PIBF1: variants seen among roughly 807,000 people sequenced by gnomAD.
The protein encoded by PIBF1 is progesterone-induced-blocking factor 1.
Under a neutral mutation model 112.5 loss-of-function variants are expected in PIBF1, and 90 were observed. That is an observed-to-expected ratio of 0.80 (90% CI 0.67 to 0.95). The LOEUF (loss-of-function observed/expected upper bound fraction) is 0.95, where lower values mean the gene tolerates loss of function less well. Among genes scored for constraint, PIBF1 ranks in the 40% least tolerant of loss-of-function variants. PIBF1 has a pLI of 0.00. For missense variants in PIBF1, 915 were observed against 852.3 expected (o/e 1.07, Z -0.92); for synonymous variants, 301 against 288.6 (o/e 1.04, Z -0.44).
chr13:72,875,315 C>CT (rs1397800367), intron 10 of PIBF1, among the ~76,000 whole-genome samples: 1 of 152,140 alleles, frequency 6.6e-6, no homozygotes, highest in African/African-American at 2.4e-5. Flanking sequence ...TGAAGGACAT[C>CT]TTGTTTGCTT....
At chr13:72,822,884 GAGAGCTGTGCTC>G (rs953828529) in intron 6 of PIBF1, among the ~76,000 whole-genome samples, 3 of 152,160 alleles carry the variant, frequency 2.0e-5, no homozygotes, top group African/African-American at 7.2e-5. Flanking sequence ...TTAAATCCAT[GAGAGCTGTGCTC>G]AGTGGGCTCT....
At chr13:72,953,297 GA>G (rs1409434439) in intron 14 of PIBF1, among the ~76,000 whole-genome samples, 1 of 152,180 alleles carries the variant, frequency 6.6e-6, no homozygotes, top group Non-Finnish European at 1.5e-5. Context: ...CCCACAAGTG[GA>G]AAGTTCAGGG....
At chr13:72,973,715 CTTTT>C in intron 16 of PIBF1, 40 bp downstream of exon 16, 1 of 1,187,292 alleles carries the variant, frequency 8.4e-7, no homozygotes, top group Non-Finnish European at 1.2e-6. Context: ...TCATTTTAGG[CTTTT>C]TTAAAAACTG....
chr13:72,976,333 AGAAG>A lies in PIBF1; in HGVS notation c.2049+2663_2049+2666del, dbSNP rs1438154978. Among the ~76,000 whole-genome samples, 3 of 152,130 alleles carry A rather than the reference AGAAG, an allele frequency of 2.0e-5. No homozygotes were observed. The East Asian group carries it at 5.8e-4, about 29-fold the overall frequency. ...GTTAGAGGGAAGGAGAGGAAGAAGAAGAAGGAAGAAAGGAAGCGAAGGAGGGGAG... is the reference window on the plus strand; with the variant it reads ...GTTAGAGGGAAGGAGAGGAAGAAGAAGAAGAAAGGAAGCGAAGGAGGGGAG... On this transcript the variant is annotated intron_variant, in intron 16 of 17. Transcript: ENST00000326291.
At chr13:72,841,592 A>AAG (rs1397840968) in intron 9 of PIBF1, among the ~76,000 whole-genome samples, 6 of 152,084 alleles carry the variant, frequency 3.9e-5, no homozygotes, top group Non-Finnish European at 7.4e-5. Flanking sequence ...GCAACATGGC[A>AAG]GAACCCCGTC....
chr13:72,795,470 C>A lies in PIBF1; in HGVS notation c.465C>A (p.Asn155Lys), dbSNP rs2137965841. 1 of 1,610,818 alleles carries A rather than the reference C, an allele frequency of 6.2e-7. No individual in the cohort carries two copies. The highest frequency in any genetic ancestry group is 1.1e-5 in the South Asian group (1 of 90,144). The change falls in exon 4 of 18, where the codon AAC (asparagine) becomes AAA (lysine). Residue 155 changes from asparagine to lysine, a missense_variant. Asn to Lys is a moderately conservative substitution (Grantham distance 94). Transcript: ENST00000326291. ...LREKAGDVRRNLRDFELTEEQ... is the reference protein window; with the variant it reads ...LREKAGDVRRKLRDFELTEEQ... Reference sequence around the variant, plus strand: ...AAAAAGCTGGAGATGTTCGTCGAAACCTGCGTGACTTTGAGTTGACAGAAG... The same window carrying A: ...AAAAAGCTGGAGATGTTCGTCGAAAACTGCGTGACTTTGAGTTGACAGAAG...
chr13:72,944,822 A>G (rs2042107420), intron 14 of PIBF1, among the ~76,000 whole-genome samples: 1 of 152,068 alleles, frequency 6.6e-6, no homozygotes, highest in Non-Finnish European at 1.5e-5. Context: ...GCTGGAGTGC[A>G]GTGGCATAAT....
chr13:72,939,799 G>A (rs779536036), intron 14 of PIBF1, among the ~76,000 whole-genome samples: 1 of 152,050 alleles, frequency 6.6e-6, no homozygotes, highest in Non-Finnish European at 1.5e-5. Context: ...TATTTTCCCT[G>A]GGTAAGGAAT....
intron 8 of PIBF1, among the ~76,000 whole-genome samples, chr13:72,834,896 A>G (rs2037287622): frequency 6.6e-6 from 1 of 152,144 alleles, no homozygotes. Flanking sequence ...CCACATTATT[A>G]TTTTTAAATG....
intron 15 of PIBF1, among the ~76,000 whole-genome samples, chr13:72,971,097 G>A (rs1349808897): frequency 1.3e-5 from 2 of 151,892 alleles, no homozygotes; most frequent in Non-Finnish European, 1.5e-5. Context: ...GAATTATCCA[G>A]TCAAAATCCT....
At chr13:72,965,183 A>G in intron 14 of PIBF1, 91 bp from the exon 15 acceptor site, 1 of 1,144,288 alleles carries the variant, frequency 8.7e-7, no homozygotes, top group Non-Finnish European at 1.3e-6. Flanking sequence ...TGTCAAAGGA[A>G]TTTCTGTACT....
chr13:72,987,265 G>A (rs915002835), intron 16 of PIBF1, among the ~76,000 whole-genome samples: 45 of 151,916 alleles, frequency 3.0e-4, no homozygotes, highest in Non-Finnish European at 5.0e-4. Context: ...TTAAACCAAA[G>A]GCTAGATGCT....
At chr13:72,950,540 C>T (rs1237576046) in intron 14 of PIBF1, among the ~76,000 whole-genome samples, 2 of 152,174 alleles carry the variant, frequency 1.3e-5, no homozygotes, top group Non-Finnish European at 2.9e-5. Context: ...ACACAGAGCA[C>T]TTGCCTTAGA....
chr13:72,795,267 C>A, intron 3 of PIBF1, 92 bp from the exon 4 acceptor site: 1 of 775,580 alleles, frequency 1.3e-6, no homozygotes, highest in Non-Finnish European at 2.1e-6. Context: ...TTTCTGATTT[C>A]CTAACTTTAT....
intron 9 of PIBF1, among the ~76,000 whole-genome samples, chr13:72,848,621 G>A (rs1234028967): frequency 2.0e-5 from 3 of 152,170 alleles, no homozygotes; most frequent in East Asian, 1.9e-4. Flanking sequence ...CGAGGCGGGC[G>A]GATCACGAGG....
chr13:72,944,123 G>A (rs1262901760), intron 14 of PIBF1, among the ~76,000 whole-genome samples: 1 of 152,086 alleles, frequency 6.6e-6, no homozygotes, highest in East Asian at 1.9e-4. Context: ...GTCCAGAATT[G>A]GAGTAAATAA....
intron 9 of PIBF1, among the ~76,000 whole-genome samples, chr13:72,838,125 A>G (rs1162610341): frequency 1.3e-5 from 2 of 152,196 alleles, no homozygotes; most frequent in Non-Finnish European, 2.9e-5. Flanking sequence ...CCCTCATGTA[A>G]TTTTCAGAGC....
In PIBF1 at chr13:73,016,027, A is replaced by G. The variant is rs1427938845; in HGVS notation, c.*108A>G. ...TGTACTCAGCATTTTTTAAATAACA[A>G]TGTTTATTTGAACTAATATTAAATT... On this transcript the variant is annotated 3_prime_UTR_variant, in exon 18 of 18. Coordinates refer to ENST00000326291, the MANE Select transcript of PIBF1 (RefSeq NM_006346.4). 1.8e-5 allele frequency: 8 copies of G among 453,788 alleles called. No individual in the cohort carries two copies. The highest frequency in any genetic ancestry group is 8.1e-5 in the African/African-American group (4 of 49,238). The allele number at this position is 453,788 out of a possible 1,614,324, so 28.1% of individuals were successfully genotyped here. A position where few individuals can be genotyped will look rare whatever the true frequency, so the allele number is the denominator to read the frequency against.
At chr13:72,806,216 A>C (rs1379439077) in intron 5 of PIBF1, among the ~76,000 whole-genome samples, 1 of 152,050 alleles carries the variant, frequency 6.6e-6, no homozygotes, top group Admixed American at 6.6e-5. Flanking sequence ...CCCCTCCCCC[A>C]GTCATTGGTA....
Sources: gnomAD v4.1 joint callset for allele counts (sites outside exome capture counted in the v4.1 genomes callset) on GRCh38, gnomAD v4.1.1 for gene constraint, MANE v1.5 for transcripts, NCBI Gene and HGNC (gene_info 2026-07-23, HGNC 2026-07-21) for gene names.